The following SH3RF3 variants were observed in gnomAD, a reference collection of about 807,000 sequenced individuals.
SH3RF3 encodes SH3 domain containing ring finger 3.
A neutral mutation model predicts 66.3 loss-of-function variants in SH3RF3; 29 were observed. The ratio of observed to expected loss-of-function variants is 0.44; its 90% CI spans 0.33 to 0.60. SH3RF3 has a LOEUF of 0.60. Among genes scored for constraint, SH3RF3 ranks in the 20% least tolerant of loss-of-function variants. SH3RF3 has a pLI of 0.04. For synonymous variants in SH3RF3, 583 were observed against 532.0 expected (o/e 1.10, Z -1.32); for missense variants, 1,194 against 1,190.9 (o/e 1.00, Z -0.04).
At chr2:109,268,518 G>T (rs919518313) in intron 1 of SH3RF3, among the ~76,000 whole-genome samples, 1 of 152,180 alleles carries the variant, frequency 6.6e-6, no homozygotes, top group Non-Finnish European at 1.5e-5. Flanking sequence ...TCCAGCAGGA[G>T]CCTGGCCCCA....
intron 1 of SH3RF3, among the ~76,000 whole-genome samples, chr2:109,195,376 C>T (rs777821539): frequency 7.9e-5 from 12 of 152,344 alleles, no homozygotes; most frequent in Non-Finnish European, 1.5e-4. Flanking sequence ...GCCAAGCTTC[C>T]CTGCCCTCTG....
At chr2:109,384,752 A>G (rs1220962815) in intron 3 of SH3RF3, among the ~76,000 whole-genome samples, 1 of 152,054 alleles carries the variant, frequency 6.6e-6, no homozygotes, top group Non-Finnish European at 1.5e-5. Flanking sequence ...AGCCTTCTAG[A>G]CTAAAAGTTT....
intron 1 of SH3RF3, among the ~76,000 whole-genome samples, chr2:109,217,498 G>A (rs1234960817): frequency 6.6e-6 from 1 of 152,194 alleles, no homozygotes. Flanking sequence ...CTTAGTAATA[G>A]GAAGAAGTCA....
intron 4 of SH3RF3, among the ~76,000 whole-genome samples, chr2:109,403,280 G>A (rs1232267414): frequency 6.6e-6 from 1 of 152,180 alleles, no homozygotes; most frequent in Admixed American, 6.5e-5. Context: ...TAGTTTGCCT[G>A]TCCCCCATCT....
At chr2:109,305,493 C>G (rs1681569863) in intron 1 of SH3RF3, among the ~76,000 whole-genome samples, 1 of 152,218 alleles carries the variant, frequency 6.6e-6, no homozygotes, top group Non-Finnish European at 1.5e-5. Context: ...TAGTTTCCTT[C>G]TGGTCTCTCC....
intron 1 of SH3RF3, among the ~76,000 whole-genome samples, chr2:109,169,840 A>G (rs768485862): frequency 6.6e-6 from 1 of 152,150 alleles, no homozygotes; most frequent in Non-Finnish European, 1.5e-5. Context: ...GAAGTGGGCT[A>G]TATAAAACCA....
chr2:109,133,539 T>C (rs948394910), intron 1 of SH3RF3, among the ~76,000 whole-genome samples: 1 of 152,182 alleles, frequency 6.6e-6, no homozygotes, highest in Admixed American at 6.5e-5. Flanking sequence ...TTTTATGATT[T>C]TCTATTTGTT....
intron 1 of SH3RF3, among the ~76,000 whole-genome samples, chr2:109,194,546 C>T (rs1296453411): frequency 1.3e-5 from 2 of 152,234 alleles, no homozygotes; most frequent in South Asian, 2.1e-4. Flanking sequence ...CACTGAAGGG[C>T]GAGGAGCACC....
chr2:109,185,347 G>A (rs1388343972), intron 1 of SH3RF3, among the ~76,000 whole-genome samples: 1 of 152,194 alleles, frequency 6.6e-6, no homozygotes, highest in Non-Finnish European at 1.5e-5. Context: ...TAAAAGATTG[G>A]ATTGTTAGAG....
At chr2:109,169,442 T>TCAG (rs1677706637) in intron 1 of SH3RF3, among the ~76,000 whole-genome samples, 1 of 152,040 alleles carries the variant, frequency 6.6e-6, no homozygotes, top group East Asian at 1.9e-4. Context: ...CAGCTCCCTG[T>TCAG]GGTGGAGGAG....
At chr2:109,317,945 C>G (rs1681925957) in intron 1 of SH3RF3, among the ~76,000 whole-genome samples, 1 of 152,104 alleles carries the variant, frequency 6.6e-6, no homozygotes, top group South Asian at 2.1e-4. Context: ...TCGCACAACT[C>G]TGCCGCTTGT....
intron 8 of SH3RF3, among the ~76,000 whole-genome samples, chr2:109,487,970 C>T (rs909793615): frequency 1.3e-5 from 2 of 152,206 alleles, no homozygotes; most frequent in African/African-American, 2.4e-5. Flanking sequence ...GGATGAACAG[C>T]CACCAGGCCC....
At chr2:109,142,245 G>C (rs1676971725) in intron 1 of SH3RF3, among the ~76,000 whole-genome samples, 2 of 152,280 alleles carry the variant, frequency 1.3e-5, no homozygotes, top group South Asian at 4.1e-4. Context: ...TTCTTTGCCA[G>C]CTGCCCCACC....
At chr2:109,445,131 T>C (rs1677671381) in intron 7 of SH3RF3, among the ~76,000 whole-genome samples, 2 of 152,200 alleles carry the variant, frequency 1.3e-5, no homozygotes, top group Non-Finnish European at 2.9e-5. Flanking sequence ...CAGAGGAATT[T>C]ATCCAGAATA....
chr2:109,357,306 C>A (rs536566421), intron 2 of SH3RF3, among the ~76,000 whole-genome samples: 1 of 152,126 alleles, frequency 6.6e-6, no homozygotes, highest in South Asian at 2.1e-4. Context: ...CTCAGCCTCC[C>A]GAGTAGCTGG....
At chr2:109,421,831 C>T (rs1024177000) in intron 5 of SH3RF3, among the ~76,000 whole-genome samples, 1 of 152,208 alleles carries the variant, frequency 6.6e-6, no homozygotes, top group Admixed American at 6.5e-5. Context: ...TGACCTGTGA[C>T]TGGTGATGGT....
intron 1 of SH3RF3, among the ~76,000 whole-genome samples, chr2:109,305,311 C>T (rs1681564853): frequency 6.6e-6 from 1 of 152,012 alleles, no homozygotes; most frequent in Admixed American, 6.6e-5. Flanking sequence ...CATGAAGTTC[C>T]CTGAGAGGAT....
intron 8 of SH3RF3, among the ~76,000 whole-genome samples, chr2:109,489,769 G>A (rs959345708): frequency 5.9e-5 from 9 of 151,720 alleles, no homozygotes; most frequent in African/African-American, 9.7e-5. Context: ...ACGGAGTCTC[G>A]CTCTGTCACC....
chr2:109,438,146 A>G (rs1471155752), intron 7 of SH3RF3, among the ~76,000 whole-genome samples: 2 of 152,226 alleles, frequency 1.3e-5, no homozygotes, highest in Non-Finnish European at 2.9e-5. Context: ...GAAAGAGGAG[A>G]CAACACTTAG....
Sources: gnomAD v4.1 joint callset for allele counts (sites outside exome capture counted in the v4.1 genomes callset) on GRCh38, gnomAD v4.1.1 for gene constraint, MANE v1.5 for transcripts, NCBI Gene and HGNC (gene_info 2026-07-23, HGNC 2026-07-21) for gene names.